The following ELMO1 variants were observed in gnomAD, a reference collection of about 807,000 sequenced individuals.
The protein encoded by ELMO1 is engulfment and cell motility protein 1.
A neutral mutation model predicts 98.9 loss-of-function variants in ELMO1; 26 were observed. That is an observed-to-expected ratio of 0.26 (90% CI 0.19 to 0.36). ELMO1 has a LOEUF of 0.36. Ranked by LOEUF, ELMO1 falls within the 10% of genes least tolerant of loss-of-function variation. The probability of loss-of-function intolerance (pLI) is 1.00; values close to 1 mark genes in which losing one functional copy is unlikely to be tolerated. For missense variants in ELMO1, 627 were observed against 935.2 expected (o/e 0.67, Z 4.30); for synonymous variants, 346 against 346.0 (o/e 1.00, Z 0.00).
intron 1 of ELMO1, among the ~76,000 whole-genome samples, chr7:37,422,483 G>A (rs28429674): frequency 0.16 from 23,773 of 152,216 alleles, 2,180 homozygotes; most frequent in South Asian, 0.26. Context: ...AGAGAAGCTC[G>A]TGTGGTTTTC....
intron 16 of ELMO1, among the ~76,000 whole-genome samples, chr7:36,954,918 G>C (rs1483227484): frequency 6.6e-6 from 1 of 152,196 alleles, no homozygotes; most frequent in Non-Finnish European, 1.5e-5. Flanking sequence ...GGTGAGACAT[G>C]TTCCTGTATC....
intron 14 of ELMO1, among the ~76,000 whole-genome samples, chr7:37,126,300 A>AATAT (rs201860679): frequency 0.023 from 3,082 of 133,932 alleles, 43 homozygotes; most frequent in South Asian, 0.059. Context: ...GTATAATTTA[A>AATAT]ATATATATAT....
At chr7:37,118,779 T>A (rs1785778102) in intron 14 of ELMO1, among the ~76,000 whole-genome samples, 1 of 152,142 alleles carries the variant, frequency 6.6e-6, no homozygotes, top group Non-Finnish European at 1.5e-5. Flanking sequence ...CAAGAAGGTG[T>A]CTGGGGCTCT....
At position 37,127,024 on chromosome 7, in the gene ELMO1, C is replaced by T. The variant is rs149197231; in HGVS notation, c.1191+6106G>A. Among the ~76,000 whole-genome samples the T allele has an allele frequency of 4.7e-3, 720 of 152,210 alleles. 4 individuals carry two copies. The highest frequency in any genetic ancestry group is 0.016 in the African/African-American group (684 of 41,536). On this transcript the variant is annotated intron_variant, in intron 14 of 21. Coordinates refer to ENST00000310758, the MANE Select transcript of ELMO1 (RefSeq NM_014800.11). ...AATGTTTATCTAACTTTTTTAGAGCCTGGGATTAATGCACAGTTTGCTTCT... is the reference window on the plus strand; with the variant it reads ...AATGTTTATCTAACTTTTTTAGAGCTTGGGATTAATGCACAGTTTGCTTCT...
chr7:37,291,501 T>C (rs1162631685), intron 4 of ELMO1, among the ~76,000 whole-genome samples: 6 of 152,248 alleles, frequency 3.9e-5, no homozygotes, highest in Non-Finnish European at 7.4e-5. Context: ...TCCATGACAA[T>C]GAAACACTCC....
chr7:36,910,267 C>T (rs1454770836), intron 16 of ELMO1, among the ~76,000 whole-genome samples: 1 of 152,218 alleles, frequency 6.6e-6, no homozygotes, highest in Non-Finnish European at 1.5e-5. Context: ...GGGATTTGAA[C>T]CTAGAGCTCC....
intron 16 of ELMO1, among the ~76,000 whole-genome samples, chr7:36,949,904 A>ATG (rs1054844087): frequency 2.0e-5 from 3 of 152,194 alleles, no homozygotes; most frequent in Non-Finnish European, 2.9e-5. Context: ...GACACAGACA[A>ATG]TGCAAACATC....
chr7:37,353,982 A>G (rs182229620), intron 1 of ELMO1, among the ~76,000 whole-genome samples: 232 of 152,282 alleles, frequency 1.5e-3, no homozygotes, highest in African/African-American at 4.9e-3. Flanking sequence ...AAAAATTCCC[A>G]TCTAGATTTC....
chr7:37,189,483 A>G (rs1038452991), intron 13 of ELMO1, among the ~76,000 whole-genome samples: 4 of 152,238 alleles, frequency 2.6e-5, no homozygotes, highest in African/African-American at 9.6e-5. Context: ...ATAACTGAAG[A>G]AAGACACAGG....
intron 13 of ELMO1, among the ~76,000 whole-genome samples, chr7:37,198,997 A>G (rs1261328158): frequency 6.6e-6 from 1 of 152,220 alleles, no homozygotes; most frequent in Non-Finnish European, 1.5e-5. Flanking sequence ...TTGAAGTGCC[A>G]TCAGCCTGCA....
In ELMO1 at chr7:37,328,540, C is replaced by T. The variant is rs57975247; in HGVS notation, c.79-12580G>A. The stretch of plus-strand genomic sequence containing the variant: ...TCTACCAAGTCCTCAAAACCATGAA[C>T]GACAAGCCCAGGTGCTCAGCGCTAA... On this transcript the variant is annotated intron_variant, in intron 2 of 21. Coordinates refer to ENST00000310758, the MANE Select transcript of ELMO1 (RefSeq NM_014800.11). 7.5e-3 allele frequency among the ~76,000 whole-genome samples: 1,138 copies of T among 152,172 alleles called. 17 individuals carry two copies. Among genetic ancestry groups the T allele is most frequent in the African/African-American group, 0.026 (1,094 of 41,496 alleles).
intron 15 of ELMO1, among the ~76,000 whole-genome samples, chr7:37,069,915 G>C (rs1041663218): frequency 6.6e-6 from 1 of 152,094 alleles, no homozygotes; most frequent in African/African-American, 2.4e-5. Flanking sequence ...GCTAATTTCT[G>C]TGCTCTCTCT....
intron 16 of ELMO1, among the ~76,000 whole-genome samples, chr7:36,976,860 G>A (rs1562872101): frequency 6.6e-6 from 1 of 152,170 alleles, no homozygotes; most frequent in Non-Finnish European, 1.5e-5. Flanking sequence ...ACACCATTCA[G>A]GAGAATGAGC....
intron 6 of ELMO1, among the ~76,000 whole-genome samples, chr7:37,256,704 G>C (rs914589047): frequency 2.3e-5 from 3 of 128,098 alleles, no homozygotes; most frequent in African/African-American, 9.1e-5. Context: ...AGAAAGGAAG[G>C]AAGAAAGGGA....
chr7:36,861,733 C>T lies in ELMO1; in HGVS notation c.1909G>A (p.Val637Met). The part of the protein sequence containing the change: ...EKGALKQNKE[V>M]LELAFSILYD... ...AAGATGGAGAAAGCGAGTTCAAGCA[C>T]CTCCTACAAGAGATGAGAGAAAACA... The change falls in exon 21 of 22, where the codon GTG (valine) becomes ATG (methionine). Residue 637 changes from valine to methionine, a missense_variant. By Grantham distance (21) the Val-to-Met change is conservative. Transcript: ENST00000310758. 6.2e-7 allele frequency: 1 copy of T among 1,613,094 alleles called. No individual in the cohort carries two copies. The highest frequency in any genetic ancestry group is 8.5e-7 in the Non-Finnish European group (1 of 1,179,832).
chr7:37,366,290 AATT>A (rs755344706), intron 1 of ELMO1, among the ~76,000 whole-genome samples: 4 of 152,196 alleles, frequency 2.6e-5, no homozygotes, highest in Admixed American at 6.5e-5. Context: ...TAAAAATAAA[AATT>A]ATTATTAATA....
intron 15 of ELMO1, among the ~76,000 whole-genome samples, chr7:37,021,649 G>T (rs1406359419): frequency 6.6e-6 from 1 of 150,602 alleles, no homozygotes; most frequent in African/African-American, 2.4e-5. Flanking sequence ...ATTCCTCCAG[G>T]CCTCTATATC....
chr7:36,855,621 T>C lies in ELMO1; in HGVS notation c.2114A>G (p.Gln705Arg), dbSNP rs143442077. ...KLRLLDLENI[Q>R]IPDAPPPIPK... ...AATCGGCGGAGGTGCGTCAGGGATC[T>C]GGATGTTTTCCAGGTCCAGGAGGCG... is the stretch of plus-strand genomic sequence containing the variant. Residue 705 changes from glutamine to arginine, a missense_variant, in exon 22 of 22, where the codon CAG (glutamine) becomes CGG (arginine). Around this residue, in one of 3 missense-constraint regions of ELMO1, gnomAD observed 492 missense variants for 715.6 expected, o/e 0.69. Transcript: ENST00000310758. The surrounding 1 kb of genome is among the most constrained non-coding windows in gnomAD (Gnocchi z 4.2). 28 of 1,614,030 alleles carry C rather than the reference T, an allele frequency of 1.7e-5. No homozygotes were observed. Among genetic ancestry groups the C allele is most frequent in the Non-Finnish European group, 2.4e-5 (28 of 1,180,000 alleles).
Position 37,259,349 on chromosome 7 carries a change from G to A in ELMO1, c.245C>T (p.Ala82Val). The change falls in exon 6 of 22, where the codon GCT becomes GTT. Residue 82 changes from alanine to valine, a missense_variant and splice_region_variant. This residue lies in a region of ELMO1 where 123 missense variants were observed against 171.2 expected (regional missense o/e 0.72). Coordinates refer to ENST00000310758, the MANE Select transcript of ELMO1 (RefSeq NM_014800.11). ...GTILRLTTSP[A>V]QNAQQLHERI... ...TTCATGGAGCTGCTGGGCGTTCTGA[G>A]CCTTATGGGGCAAAAGCAAAGGGAA... 1 of 1,612,976 alleles carries A rather than the reference G, an allele frequency of 6.2e-7. No homozygotes were observed. The highest frequency in any genetic ancestry group is 8.5e-7 in the Non-Finnish European group (1 of 1,179,300).
Sources: allele counts gnomAD v4.1 joint callset (sites outside exome capture counted in the v4.1 genomes callset), GRCh38; gene constraint gnomAD v4.1.1; regional missense constraint gnomAD v4.1.1; non-coding constraint Gnocchi (gnomAD v3.1); transcripts MANE v1.5; gene names NCBI Gene and HGNC (gene_info 2026-07-23, HGNC 2026-07-21).